Variants in LRAT observed in about 807,000 individuals in gnomAD.
LRAT encodes the protein lecithin retinol acyltransferase, also known as lecithin retinol acyltransferase (phosphatidylcholine--retinol O-acyltransferase).
In LRAT, 11 loss-of-function variants were observed where a neutral mutation model predicts 14.2. The ratio of observed to expected loss-of-function variants is 0.78; its 90% CI spans 0.49 to 1.29. LRAT has a LOEUF of 1.29. Ranked by LOEUF, LRAT falls within the 50% of genes most tolerant of loss-of-function variation. LRAT has a pLI of 0.00. For synonymous variants in LRAT, 144 were observed against 124.8 expected (o/e 1.15, Z -1.03); for missense variants, 274 against 292.4 (o/e 0.94, Z 0.46).
upstream of LRAT, chr4:154,740,922 A>G (rs985115761): frequency 6.6e-5 from 10 of 152,270 alleles, no homozygotes; most frequent in African/African-American, 2.4e-4. Context: ...TCCTATCTCC[A>G]TGTGACATCT....
At chr4:154,741,919 T>C (rs1732774946), upstream of LRAT, among the ~76,000 whole-genome samples, 1 of 152,172 alleles carries the variant, frequency 6.6e-6, no homozygotes, top group Non-Finnish European at 1.5e-5. Context: ...TAAGCCGCCT[T>C]AGTGACCACC....
upstream of LRAT, chr4:154,743,944 C>T (rs567764869): frequency 5.5e-4 from 98 of 179,222 alleles, no homozygotes; most frequent in East Asian, 0.014. Flanking sequence ...TCTGTGACGG[C>T]CTTCGGCTCC....
rs1175872515 is a variant in LRAT, at chr4:154,750,105, T to C, written c.*969T>C. The C allele has an allele frequency of 6.6e-6, 1 of 152,138 alleles. No individual in the cohort carries two copies. Among genetic ancestry groups the C allele is most frequent in the Non-Finnish European group, 1.5e-5 (1 of 67,978 alleles). 9.4% of individuals were successfully genotyped at this position (152,138 alleles called of 1,614,324 possible). ...AATTTGTAGTGTTAACTTGCATATA[T>C]GTTATTGGATGGGTTGTCTTTTAAA... On this transcript the variant is annotated 3_prime_UTR_variant, in exon 3 of 3. Transcript: ENST00000336356.
In LRAT at chr4:154,744,020, C is replaced by T. The variant is rs1387491291; in HGVS notation, c.-204C>T. 9.3e-6 allele frequency: 4 copies of T among 429,844 alleles called. No homozygotes were observed. The highest frequency in any genetic ancestry group is 2.5e-5 in the South Asian group (1 of 39,398). The allele number at this position is 429,844 out of a possible 1,614,324, so 26.6% of individuals were successfully genotyped here. On this transcript the variant is annotated 5_prime_UTR_variant, in exon 1 of 3. Coordinates refer to ENST00000336356, the MANE Select transcript of LRAT (RefSeq NM_004744.5). ...CCTCCGAGCACCGCGCGCGGCCCTG[C>T]CCCCGGCACGGCCCCCAGGTGCGCT...
chr4:154,749,250 G>A lies in LRAT; in HGVS notation c.*114G>A. 1.7e-6 allele frequency: 2 copies of A among 1,190,102 alleles called. No homozygotes were observed. The highest frequency in any genetic ancestry group is 2.5e-6 in the Non-Finnish European group (2 of 804,366). 73.7% of individuals were successfully genotyped at this position (1,190,102 alleles called of 1,614,324 possible). ...AATGTGACCCGTAACACTGTGTTCT[G>A]GATAAAAATGTGATTAGGAATCACG... On this transcript the variant is annotated 3_prime_UTR_variant, in exon 3 of 3. Coordinates refer to ENST00000336356, the MANE Select transcript of LRAT (RefSeq NM_004744.5).
chr4:154,749,083 T>C lies in LRAT; in HGVS notation c.640T>C (p.Tyr214His), dbSNP rs1169847566. 6.2e-7 allele frequency: 1 copy of C among 1,613,902 alleles called. No individual in the cohort carries two copies. The change falls in exon 3 of 3, where the codon TAC (tyrosine) becomes CAC (histidine). Residue 214 changes from tyrosine (Y) to histidine (H), a missense_variant. By Grantham distance (83) the Tyr-to-His change is moderately conservative (BLOSUM62 2). Transcript: ENST00000336356. ...TATAGTCTGTACGGGCTTGGTATCA[T>C]ACACTACCCTTCCTGCAATTTTTAT... ...ASIVCTGLVS[Y>H]TTLPAIFIPF...
rs561764781 is a variant in LRAT at position 154,751,519 on chromosome 4, A to T, written c.*2383A>T. The T allele has an allele frequency of 1.3e-5, 2 of 152,026 alleles. No homozygotes were observed. The highest frequency in any genetic ancestry group is 2.9e-5 in the Non-Finnish European group (2 of 68,072). The allele number at this position is 152,026 out of a possible 1,614,324, so 9.4% of individuals were successfully genotyped here. A position where few individuals can be genotyped will look rare whatever the true frequency, so the allele number is the denominator to read the frequency against. On this transcript the variant is annotated 3_prime_UTR_variant, in exon 3 of 3. Coordinates refer to ENST00000336356, the MANE Select transcript of LRAT (RefSeq NM_004744.5). ...TGGGAGGCCAAGGAGGGAGGATCAC[A>T]AGGTCAGGAGATCGAGACCATCCTG...
intron 2 of LRAT, among the ~76,000 whole-genome samples, chr4:154,747,141 T>C (rs751479430): frequency 6.6e-6 from 1 of 152,152 alleles, no homozygotes; most frequent in Non-Finnish European, 1.5e-5. Context: ...TTACTTAAAT[T>C]TGAGTTAATA....
Position 154,744,313 on chromosome 4 carries a change from C to G in LRAT, c.-1-13C>G, listed in dbSNP as rs1250018341. On this transcript the variant is annotated splice_polypyrimidine_tract_variant and intron_variant, in intron 1 of 2. Coordinates refer to ENST00000336356, the MANE Select transcript of LRAT (RefSeq NM_004744.5). ...GGCACCGGCACCTCTCCAAGACGCC[C>G]TCTTCCCTGCAGGATGAAGAACCCC... 1.2e-5 allele frequency: 19 copies of G among 1,613,742 alleles called. No homozygotes were observed. Among genetic ancestry groups the G allele is most frequent in the Non-Finnish European group, 1.5e-5 (18 of 1,179,964 alleles).
At chr4:154,742,159 C>G (rs1732780139), upstream of LRAT, among the ~76,000 whole-genome samples, 1 of 152,160 alleles carries the variant, frequency 6.6e-6, no homozygotes, top group Non-Finnish European at 1.5e-5. Context: ...GCTCCCTGTG[C>G]GCAGCTGATG....
chr4:154,749,099 C>T lies in LRAT; in HGVS notation c.656C>T (p.Ala219Val), dbSNP rs778057759. 1 of 1,613,818 alleles carries T rather than the reference C, an allele frequency of 6.2e-7. No individual in the cohort carries two copies. The highest frequency in any genetic ancestry group is 8.5e-7 in the Non-Finnish European group (1 of 1,179,758). ...TTGGTATCATACACTACCCTTCCTG[C>T]AATTTTTATTCCATTCTTCCTATGG... is the stretch of plus-strand genomic sequence containing the variant. ...TGLVSYTTLP[A>V]IFIPFFLWMA... Residue 219 changes from alanine (A) to valine (V), a missense_variant, in exon 3 of 3, where the codon GCA (alanine) becomes GTA (valine). Physicochemically the swap from Ala to Val is moderately conservative, Grantham distance 64. Transcript: ENST00000336356.
At chr4:154,746,424 T>C (rs1578861639) in intron 2 of LRAT, among the ~76,000 whole-genome samples, 1 of 152,196 alleles carries the variant, frequency 6.6e-6, no homozygotes, top group African/African-American at 2.4e-5. Context: ...ATAGATTTTA[T>C]AGAGCCACAA....
Position 154,749,102 on chromosome 4 carries a change from T to C in LRAT, c.659T>C (p.Ile220Thr), listed in dbSNP as rs1732939382. The C allele has an allele frequency of 6.2e-7, 1 of 1,613,726 alleles. No homozygotes were observed. The change falls in exon 3 of 3, where the codon ATT (isoleucine) becomes ACT (threonine). Residue 220 changes from isoleucine (I) to threonine (T), a missense_variant. Transcript: ENST00000336356. ...GLVSYTTLPA[I>T]FIPFFLWMAG is the part of the protein sequence containing the mutation. ...GTATCATACACTACCCTTCCTGCAATTTTTATTCCATTCTTCCTATGGATG... is the reference window on the plus strand; with the variant it reads ...GTATCATACACTACCCTTCCTGCAACTTTTATTCCATTCTTCCTATGGATG...
In LRAT at chr4:154,749,037, A is replaced by T; in HGVS notation, c.594A>T (p.Ser198=). 1 of 1,613,826 alleles carries T rather than the reference A, an allele frequency of 6.2e-7. No homozygotes were observed. ...GTGATCAGAGAAGTGTTCTTGCTTC[A>T]GCAGTCTTGGGATTGGCGTCTATAG... is the stretch of plus-strand genomic sequence containing the variant. The part of the protein sequence containing the change: ...IIRDQRSVLA[S]AVLGLASIVC... Residue 198 remains serine, a synonymous_variant, in exon 3 of 3, where the codon TCA becomes TCT. Transcript: ENST00000336356.
rs1312703906 is a variant in LRAT, at chr4:154,749,461, C to T, written c.*325C>T. 2 of 255,918 alleles carry T rather than the reference C, an allele frequency of 7.8e-6. No individual in the cohort carries two copies. Among genetic ancestry groups the T allele is most frequent in the African/African-American group, 2.3e-5 (1 of 44,434 alleles). The allele number at this position is 255,918 out of a possible 1,614,324, so 15.9% of individuals were successfully genotyped here. On this transcript the variant is annotated 3_prime_UTR_variant, in exon 3 of 3. Coordinates refer to ENST00000336356, the MANE Select transcript of LRAT (RefSeq NM_004744.5). ...TTGTGTTTTTTTTTCTCCTGTAATC[C>T]TTGTACTGTTCGGCTGAATTTGAAG... is the stretch of plus-strand genomic sequence containing the variant.
At chr4:154,742,860 T>C (rs537822659), upstream of LRAT, among the ~76,000 whole-genome samples, 78 of 150,482 alleles carry the variant, frequency 5.2e-4, no homozygotes, top group Middle Eastern at 6.8e-3. Flanking sequence ...CTTAAAAACA[T>C]AAAAATAAAA....
chr4:154,743,544 G>T (rs1308375599), upstream of LRAT, among the ~76,000 whole-genome samples: 1 of 152,054 alleles, frequency 6.6e-6, no homozygotes, highest in Non-Finnish European at 1.5e-5. Flanking sequence ...GAATCTGCAG[G>T]CATTCGAGGC....
At chr4:154,746,443 A>C (rs1483617758) in intron 2 of LRAT, among the ~76,000 whole-genome samples, 1 of 152,192 alleles carries the variant, frequency 6.6e-6, no homozygotes, top group African/African-American at 2.4e-5. Context: ...AAAAGACTCA[A>C]TCTAGGAATT....
At position 154,749,183 on chromosome 4, in the gene LRAT, T is replaced by A; in HGVS notation, c.*47T>A. ...TGTGTATTCTGTATGTAAATATGTT[T>A]ATATTTATAGAGCATCAATCAATAT... On this transcript the variant is annotated 3_prime_UTR_variant, in exon 3 of 3. Coordinates refer to ENST00000336356, the MANE Select transcript of LRAT (RefSeq NM_004744.5). The A allele has an allele frequency of 1.9e-6, 3 of 1,551,756 alleles. No individual in the cohort carries two copies. The highest frequency in any genetic ancestry group is 2.7e-6 in the Non-Finnish European group (3 of 1,123,598).
Sources: allele counts gnomAD v4.1 joint callset (sites outside exome capture counted in the v4.1 genomes callset), GRCh38; gene constraint gnomAD v4.1.1; transcripts MANE v1.5; gene names NCBI Gene and HGNC (gene_info 2026-07-23, HGNC 2026-07-21).